The following USP36 variants were observed in gnomAD, a reference collection of about 807,000 sequenced individuals.
USP36 encodes ubiquitin carboxyl-terminal hydrolase 36.
A neutral mutation model predicts 111.5 loss-of-function variants in USP36; 59 were observed. That is an observed-to-expected ratio of 0.53 (90% CI 0.43 to 0.66). The LOEUF is 0.66. Among genes scored for constraint, USP36 ranks in the 30% least tolerant of loss-of-function variants. The pLI is 0.00. For synonymous variants in USP36, 628 were observed against 581.0 expected (o/e 1.08, Z -1.16); for missense variants, 1,488 against 1,468.0 (o/e 1.01, Z -0.22).
At chr17:78,788,613 T>G (rs2093555520) in intron 3 of USP36, among the ~76,000 whole-genome samples, 1 of 151,528 alleles carries the variant, frequency 6.6e-6, no homozygotes, top group South Asian at 2.1e-4. Context: ...CCTGACCCTG[T>G]GTGCTACAGG....
Position 78,798,842 on chromosome 17 carries a change from C to T in USP36, c.3240+66G>A. ...TGCCACTGCCGCCACCTCCAACTGC[C>T]CCGGCTCTGAGCTGAGCCACGCCGC... On this transcript the variant is annotated intron_variant, in intron 19 of 20. Transcript: ENST00000449938. The surrounding 1 kb of genome is among the most constrained non-coding windows in gnomAD (Gnocchi z 5.1). The T allele has an allele frequency of 6.3e-7, 1 of 1,581,158 alleles. No homozygotes were observed.
At position 78,807,170 on chromosome 17, in the gene USP36, T is replaced by A; in HGVS notation, c.1874A>T (p.Lys625Met). 1 of 1,614,194 alleles carries A rather than the reference T, an allele frequency of 6.2e-7. No homozygotes were observed. Among genetic ancestry groups the A allele is most frequent in the Non-Finnish European group, 8.5e-7 (1 of 1,180,026 alleles). ...PEHSASSDST[K>M]APQTPRSGAA... ...TCCACTCCTGGGGGTCTGGGGGGCC[T>A]TGGTGGAGTCGCTGCTGGCCGAGTG... is the stretch of plus-strand genomic sequence containing the variant. Residue 625 changes from lysine (K) to methionine (M), a missense_variant, in exon 14 of 21, where the codon AAG becomes ATG. Physicochemically the swap from Lys to Met is moderately conservative, Grantham distance 95. Around this residue, in one of 3 missense-constraint regions of USP36, gnomAD observed 1,073 missense variants for 994.1 expected, o/e 1.08. Coordinates refer to ENST00000449938, the MANE Select transcript of USP36 (RefSeq NM_001385174.1).
chr17:78,808,829 A>G (rs1437628124), intron 13 of USP36, among the ~76,000 whole-genome samples: 2 of 151,958 alleles, frequency 1.3e-5, no homozygotes, highest in African/African-American at 4.8e-5. Context: ...CTCACCAGCA[A>G]CTCAAGGGTC....
chr17:78,836,930 C>T (rs532342831), intron 2 of USP36, among the ~76,000 whole-genome samples: 89 of 152,238 alleles, frequency 5.8e-4, no homozygotes, highest in Non-Finnish European at 8.8e-5. Context: ...ACAGGCCACA[C>T]GTGGCTACTG....
chr17:78,824,070 T>C (rs982309381), intron 6 of USP36, among the ~76,000 whole-genome samples: 1 of 152,046 alleles, frequency 6.6e-6, no homozygotes. Context: ...ACAGTGAGAG[T>C]GGCCTCATTT....
At chr17:78,835,001 A>G (rs924131412) in intron 4 of USP36, among the ~76,000 whole-genome samples, 19 of 147,502 alleles carry the variant, frequency 1.3e-4, no homozygotes, top group Admixed American at 3.4e-4. Flanking sequence ...ATATTTGTAT[A>G]TATATATATA....
At chr17:78,813,913 A>T in intron 11 of USP36, 40 bp from the exon 12 acceptor site, 1 of 1,561,680 alleles carries the variant, frequency 6.4e-7, no homozygotes, top group East Asian at 2.2e-5. Context: ...AAAACAATCA[A>T]CAAGCATCCC....
In USP36 at chr17:78,798,690, T is replaced by C; in HGVS notation, c.3241-139A>G. The C allele has an allele frequency of 7.2e-7, 1 of 1,389,906 alleles. No individual in the cohort carries two copies. Among genetic ancestry groups the C allele is most frequent in the Non-Finnish European group, 9.9e-7 (1 of 1,013,196 alleles). The allele number at this position is 1,389,906 out of a possible 1,614,324, so 86.1% of individuals were successfully genotyped here. ...GAGACCCACTCTTCACAATGACCCC[T>C]GTGCACGGCGACCTGCAGTCCCCCT... On this transcript the variant is annotated intron_variant, in intron 19 of 20. Transcript: ENST00000449938. This position sits in a 1 kb window ranked among gnomAD's most constrained non-coding sequence, Gnocchi z 5.1.
chr17:78,801,672 C>G (rs1598976634), intron 17 of USP36, among the ~76,000 whole-genome samples: 2 of 152,328 alleles, frequency 1.3e-5, no homozygotes, highest in East Asian at 3.9e-4. Context: ...GCAAACCGTG[C>G]TATGTTCTGA....
chr17:78,798,834 C>T lies in USP36; in HGVS notation c.3240+74G>A. The T allele has an allele frequency of 6.4e-7, 1 of 1,564,630 alleles. No individual in the cohort carries two copies. Among genetic ancestry groups the T allele is most frequent in the Non-Finnish European group, 8.8e-7 (1 of 1,140,658 alleles). On this transcript the variant is annotated intron_variant, in intron 19 of 20. Transcript: ENST00000449938. The surrounding 1 kb of genome is among the most constrained non-coding windows in gnomAD (Gnocchi z 5.1). ...CCGCTTCATGCCACTGCCGCCACCT[C>T]CAACTGCCCCGGCTCTGAGCTGAGC...
chr17:78,808,412 G>A (rs1028735257), intron 13 of USP36, among the ~76,000 whole-genome samples: 11 of 152,004 alleles, frequency 7.2e-5, no homozygotes, highest in African/African-American at 2.2e-4. Flanking sequence ...CACCACACCC[G>A]AATAATTATT....
chr17:78,792,084 G>A (rs537140306), downstream of USP36: 4 of 152,562 alleles, frequency 2.6e-5, no homozygotes, highest in South Asian at 2.1e-4. Context: ...TCAAATCCTG[G>A]GAAGAAGTCG....
chr17:78,821,084 G>A, intron 7 of USP36, 23 bp from the exon 8 acceptor site: 4 of 1,582,844 alleles, frequency 2.5e-6, no homozygotes, highest in Non-Finnish European at 3.4e-6. Flanking sequence ...AGAGGCAGTG[G>A]AGCAGGTGGG....
At chr17:78,806,936 C>A in intron 14 of USP36, 23 bp downstream of exon 14, 2 of 1,609,372 alleles carry the variant, frequency 1.2e-6, no homozygotes, top group Non-Finnish European at 1.7e-6. Flanking sequence ...TACACAGCAG[C>A]GGCGAGACCC....
In USP36 at chr17:78,836,330, T is replaced by G; in HGVS notation, c.34A>C (p.Lys12Gln). ...TCAGCCGAGTCCTTGCGGCCGGGTT[T>G]CAGGGCCTCCTTCAACTTATCCACT... ...PIVDKLKEALKPGRKDSADDG... is the reference protein window; with the variant it reads ...PIVDKLKEALQPGRKDSADDG... Residue 12 changes from lysine to glutamine, a missense_variant, in exon 3 of 21, where the codon AAA becomes CAA. Transcript: ENST00000449938. The G allele has an allele frequency of 6.2e-7, 1 of 1,614,146 alleles. No individual in the cohort carries two copies. The highest frequency in any genetic ancestry group is 2.2e-5 in the East Asian group (1 of 44,882).
At chr17:78,823,114 A>G (rs2094370393) in intron 6 of USP36, 2 of 398,582 alleles carry the variant, frequency 5.0e-6, no homozygotes, top group Non-Finnish European at 8.8e-6. Context: ...ACTATTTACC[A>G]TGGCACTTCC....
Position 78,795,912 on chromosome 17 carries a change from C to G in USP36, c.*1988G>C, listed in dbSNP as rs1349409644. ...TAAGTCAACCAAGTGACTGCTATGACAAAGGCTTGGGTTATTGACATTTAC... is the reference window on the plus strand; with the variant it reads ...TAAGTCAACCAAGTGACTGCTATGAGAAAGGCTTGGGTTATTGACATTTAC... On this transcript the variant is annotated 3_prime_UTR_variant, in exon 21 of 21. Coordinates refer to ENST00000449938, the MANE Select transcript of USP36 (RefSeq NM_001385174.1). The surrounding 1 kb of genome is among the most constrained non-coding windows in gnomAD (Gnocchi z 4.5). 6.6e-6 allele frequency: 1 copy of G among 152,238 alleles called. No homozygotes were observed. The highest frequency in any genetic ancestry group is 1.5e-5 in the Non-Finnish European group (1 of 68,058). 9.4% of individuals were successfully genotyped at this position (152,238 alleles called of 1,614,324 possible).
downstream of USP36, among the ~76,000 whole-genome samples, chr17:78,791,197 C>T (rs930080590): frequency 2.1e-5 from 3 of 144,578 alleles, no homozygotes; most frequent in Non-Finnish European, 3.0e-5. Flanking sequence ...TGCAATGGTG[C>T]GATCTCGGCT....
chr17:78,801,952 G>A (rs932232895), intron 17 of USP36, among the ~76,000 whole-genome samples: 5 of 152,172 alleles, frequency 3.3e-5, no homozygotes, highest in Non-Finnish European at 4.4e-5. Context: ...GAGCAGACTC[G>A]GGGGTGGGGG....
Sources: gnomAD v4.1 joint callset for allele counts (sites outside exome capture counted in the v4.1 genomes callset) on GRCh38, gnomAD v4.1.1 for gene constraint, gnomAD v4.1.1 regional missense constraint, Gnocchi (gnomAD v3.1) non-coding constraint, MANE v1.5 for transcripts, NCBI Gene and HGNC (gene_info 2026-07-23, HGNC 2026-07-21) for gene names.